The following KLHL20 variants were observed in gnomAD, a reference collection of about 807,000 sequenced individuals.
KLHL20 encodes kelch like family member 20.
A neutral mutation model predicts 69.5 loss-of-function variants in KLHL20; 29 were observed. The observed-to-expected ratio is 0.42, with a 90% CI of 0.31 to 0.57. The LOEUF is 0.57. Among genes scored for constraint, KLHL20 ranks in the 20% least tolerant of loss-of-function variants. The pLI is 0.18. For synonymous variants in KLHL20, 253 were observed against 265.2 expected (o/e 0.95, Z 0.45); for missense variants, 419 against 776.0 (o/e 0.54, Z 5.47).
chr1:173,744,402 A>G (rs766868024), intron 3 of KLHL20, among the ~76,000 whole-genome samples: 6 of 152,100 alleles, frequency 3.9e-5, no homozygotes, highest in Admixed American at 1.3e-4. Context: ...TTTATCCATG[A>G]TACATGTCAC....
At position 173,733,729 on chromosome 1, in the gene KLHL20, C is replaced by T. The variant is rs1162648127; in HGVS notation, c.40C>T (p.Pro14Ser). The change falls in exon 3 of 12, where the codon CCA becomes TCA. Residue 14 changes from proline to serine, a missense_variant. Physicochemically the swap from Pro to Ser is moderately conservative, Grantham distance 74 (BLOSUM62 -1). Coordinates refer to ENST00000209884, the MANE Select transcript of KLHL20 (RefSeq NM_014458.4). ...TTCCTATAGGTGTACCAACATTCGA[C>T]CAGGAGAGACTGGAATGGATGTAAC... is the stretch of plus-strand genomic sequence containing the variant. ...KPMRRCTNIRPGETGMDVTSR... is the reference protein window; with the variant it reads ...KPMRRCTNIRSGETGMDVTSR... The T allele has an allele frequency of 3.1e-6, 5 of 1,613,164 alleles. No individual in the cohort carries two copies. Among genetic ancestry groups the T allele is most frequent in the Non-Finnish European group, 4.2e-6 (5 of 1,179,494 alleles).
At chr1:173,731,911 A>G (rs772385363) in intron 2 of KLHL20, among the ~76,000 whole-genome samples, 20 of 152,060 alleles carry the variant, frequency 1.3e-4, no homozygotes, top group Non-Finnish European at 2.4e-4. Flanking sequence ...ATAAAAACCA[A>G]TAACGGCTGG....
In KLHL20 at chr1:173,774,382, TAGG is replaced by T; in HGVS notation, c.1377_1379del (p.Gly460del). 6.2e-7 allele frequency: 1 copy of T among 1,614,118 alleles called. No individual in the cohort carries two copies. The highest frequency in any genetic ancestry group is 8.5e-7 in the Non-Finnish European group (1 of 1,180,026). On this transcript the variant is annotated inframe_deletion, in exon 9 of 12. Coordinates refer to ENST00000209884, the MANE Select transcript of KLHL20 (RefSeq NM_014458.4). ...AGACTAGGTGTGGCTGTGGCTGTGT[TAGG>T]AGGGTTCTTATATGCTGTAGGTGGC...
At chr1:173,753,821 A>G (rs1177236340) in intron 5 of KLHL20, among the ~76,000 whole-genome samples, 4 of 152,226 alleles carry the variant, frequency 2.6e-5, no homozygotes, top group Non-Finnish European at 4.4e-5. Context: ...TTTTGACGAA[A>G]GAAACTCTTA....
Position 173,782,203 on chromosome 1 carries a change from T to G in KLHL20, c.1718T>G (p.Val573Gly), listed in dbSNP as rs1434230606. The change falls in exon 11 of 12, where the codon GTT becomes GGT. Residue 573 changes from valine to glycine, a missense_variant. Val to Gly is a moderately radical substitution (Grantham distance 109, BLOSUM62 -3). Coordinates refer to ENST00000209884, the MANE Select transcript of KLHL20 (RefSeq NM_014458.4). ...DGTTYLKTIE[V>G]FDPDANTWRL... ...ACAACATACTTGAAGACCATAGAAGTTTTTGATCCTGATGCCAATACATGG... is the reference window on the plus strand; with the variant it reads ...ACAACATACTTGAAGACCATAGAAGGTTTTGATCCTGATGCCAATACATGG... 6.2e-7 allele frequency: 1 copy of G among 1,613,518 alleles called. No homozygotes were observed. Among genetic ancestry groups the G allele is most frequent in the Non-Finnish European group, 8.5e-7 (1 of 1,179,628 alleles).
At chr1:173,718,540 T>C (rs553306263) in intron 2 of KLHL20, among the ~76,000 whole-genome samples, 1 of 146,308 alleles carries the variant, frequency 6.8e-6, no homozygotes, top group African/African-American at 2.5e-5. Context: ...AGCAAGACAG[T>C]GTCTCAAAAA....
chr1:173,745,919 C>T lies in KLHL20; in HGVS notation c.598-5845C>T, dbSNP rs765857895. Among the ~76,000 whole-genome samples the T allele has an allele frequency of 3.9e-5, 6 of 151,914 alleles. No homozygotes were observed. The South Asian group carries it at 6.2e-4, about 16-fold the overall frequency. On this transcript the variant is annotated intron_variant, in intron 3 of 11. Transcript: ENST00000209884. ...CGGAGGTTGCAGTGAGCTGAGACTG[C>T]GCCACTGCACTCCAGCCTGGGCAAC...
chr1:173,769,539 A>C (rs1261625518), intron 8 of KLHL20, among the ~76,000 whole-genome samples: 1 of 152,102 alleles, frequency 6.6e-6, no homozygotes, highest in African/African-American at 2.4e-5. Context: ...CCATAATCCC[A>C]ACACTTTGGG....
At chr1:173,734,437 T>C in intron 3 of KLHL20, 151 bp downstream of exon 3, 1 of 712,456 alleles carries the variant, frequency 1.4e-6, no homozygotes, top group Non-Finnish European at 2.4e-6. Context: ...ACCTGGCTTT[T>C]ATTTTAGAGG....
intron 2 of KLHL20, among the ~76,000 whole-genome samples, chr1:173,718,998 G>T (rs372395609): frequency 6.6e-6 from 1 of 151,114 alleles, no homozygotes; most frequent in South Asian, 2.1e-4. Flanking sequence ...CCAGCTACTC[G>T]GGAGGCTGAG....
At chr1:173,724,285 A>AG (rs1191487502) in intron 2 of KLHL20, among the ~76,000 whole-genome samples, 2 of 151,834 alleles carry the variant, frequency 1.3e-5, no homozygotes, top group Non-Finnish European at 2.9e-5. Flanking sequence ...GATTACAGGC[A>AG]TGAGCCACTA....
intron 3 of KLHL20, among the ~76,000 whole-genome samples, chr1:173,743,118 G>T (rs1672899039): frequency 1.3e-5 from 1 of 77,426 alleles, no homozygotes; most frequent in African/African-American, 1.4e-4. Context: ...TAAGGAATGT[G>T]TAAAAAAAAA....
intron 7 of KLHL20, among the ~76,000 whole-genome samples, chr1:173,763,381 A>G (rs1647446425): frequency 6.6e-6 from 1 of 152,194 alleles, no homozygotes; most frequent in Admixed American, 6.5e-5. Context: ...ATTAGAAAAA[A>G]ACAATTATAA....
intron 11 of KLHL20, among the ~76,000 whole-genome samples, chr1:173,783,962 C>A (rs370846102): frequency 6.6e-6 from 1 of 152,004 alleles, no homozygotes; most frequent in African/African-American, 2.4e-5. Flanking sequence ...GCCTGTAATC[C>A]CAGCTACTAG....
intron 3 of KLHL20, among the ~76,000 whole-genome samples, chr1:173,745,748 G>A (rs185600857): frequency 6.6e-6 from 1 of 152,128 alleles, no homozygotes; most frequent in East Asian, 1.9e-4. Flanking sequence ...AATGTTAAAT[G>A]GTAATGGAAA....
intron 2 of KLHL20, among the ~76,000 whole-genome samples, chr1:173,718,574 G>A (rs191768433): frequency 6.6e-6 from 1 of 150,636 alleles, no homozygotes; most frequent in Non-Finnish European, 1.5e-5. Flanking sequence ...CACAAATGTT[G>A]TAGGGCATAG....
chr1:173,766,074 A>G, intron 7 of KLHL20, 72 bp from the exon 8 acceptor site: 1 of 1,232,320 alleles, frequency 8.1e-7, no homozygotes, highest in Non-Finnish European at 1.1e-6. Context: ...AAATCCATGG[A>G]TTTAGAATAT....
Position 173,775,645 on chromosome 1 carries a change from A to G in KLHL20, c.1441A>G (p.Asn481Asp). The change falls in exon 10 of 12, where the codon AAT becomes GAT. Residue 481 changes from asparagine to aspartate, a missense_variant. Asn to Asp is a conservative substitution (Grantham distance 23). Around this residue, in one of 6 missense-constraint regions of KLHL20, gnomAD observed 56 missense variants for 75.9 expected, o/e 0.74. Coordinates refer to ENST00000209884, the MANE Select transcript of KLHL20 (RefSeq NM_014458.4). Reference protein sequence around the residue: ...TSPLNTVERYNPQENRWHTIA... With the variant: ...TSPLNTVERYDPQENRWHTIA... ...TCTTTTCCCTACAGTGGAACGTTAC[A>G]ATCCTCAGGAAAACAGATGGCACAC... The G allele has an allele frequency of 6.2e-7, 1 of 1,614,090 alleles. No homozygotes were observed. Among genetic ancestry groups the G allele is most frequent in the Non-Finnish European group, 8.5e-7 (1 of 1,179,964 alleles).
At chr1:173,737,179 C>A (rs1353836828) in intron 3 of KLHL20, among the ~76,000 whole-genome samples, 1 of 152,216 alleles carries the variant, frequency 6.6e-6, no homozygotes, top group Non-Finnish European at 1.5e-5. Flanking sequence ...CGTGGGTTGT[C>A]TATTTACTCT....
Sources: allele counts gnomAD v4.1 joint callset (sites outside exome capture counted in the v4.1 genomes callset), GRCh38; gene constraint gnomAD v4.1.1; regional missense constraint gnomAD v4.1.1; transcripts MANE v1.5; gene names NCBI Gene and HGNC (gene_info 2026-07-23, HGNC 2026-07-21).